The following MX2 variants were observed in gnomAD, a reference collection of about 807,000 sequenced individuals.
MX2 encodes the protein interferon-induced GTP-binding protein Mx2.
In MX2, 51 loss-of-function variants were observed where a neutral mutation model predicts 74.0. The observed-to-expected ratio is 0.69, with a 90% CI of 0.55 to 0.87. The LOEUF is 0.87. Among genes scored for constraint, MX2 ranks in the 40% least tolerant of loss-of-function variants. The probability of loss-of-function intolerance (pLI) is 0.00; values close to 1 mark genes in which losing one functional copy is unlikely to be tolerated. For missense variants in MX2, 832 were observed against 908.7 expected, an observed-to-expected ratio of 0.92 and a Z score of 1.09; for synonymous variants, 369 against 339.3, an observed-to-expected ratio of 1.09 and a Z score of -0.96.
intron 7 of MX2, 88 bp downstream of exon 7, chr21:41,395,873 T>C (rs959683223): frequency 2.3e-6 from 3 of 1,326,992 alleles, no homozygotes; most frequent in African/African-American, 1.4e-5. Context: ...CCAAAGTGTA[T>C]GCACAAATTA....
chr21:41,401,959 T>G lies in MX2; in HGVS notation c.1415-11T>G. 6.2e-7 allele frequency: 1 copy of G among 1,611,134 alleles called. No homozygotes were observed. Among genetic ancestry groups the G allele is most frequent in the Non-Finnish European group, 8.5e-7 (1 of 1,178,570 alleles). On this transcript the variant is annotated splice_polypyrimidine_tract_variant and intron_variant, in intron 10 of 13. Coordinates refer to ENST00000330714, the MANE Select transcript of MX2 (RefSeq NM_002463.2). ...GCAGAATTCACCATGGAGGTCTGTT[T>G]GATGTTGCAGTTAAAAATATTATCC...
chr21:41,396,511 C>T (rs1206343076), intron 7 of MX2, among the ~76,000 whole-genome samples: 1 of 151,950 alleles, frequency 6.6e-6, no homozygotes, highest in Non-Finnish European at 1.5e-5. Context: ...AGTAGGTCTA[C>T]GGCTTGCTGA....
Position 41,390,683 on chromosome 21 carries a change from C to G in MX2, c.851C>G (p.Pro284Arg), listed in dbSNP as rs369056244. 1 of 1,614,078 alleles carries G rather than the reference C, an allele frequency of 6.2e-7. No homozygotes were observed. Among genetic ancestry groups the G allele is most frequent in the Non-Finnish European group, 8.5e-7 (1 of 1,180,008 alleles). ...EALSMAHEVD[P>R]EGDRTIGILT... ...CTGAGCATGGCCCATGAGGTGGACC[C>G]GGAAGGGGACAGGACCATCGGTAAG... The change falls in exon 6 of 14, where the codon CCG becomes CGG. Residue 284 changes from proline (P) to arginine (R), a missense_variant. Pro to Arg is a moderately radical substitution (Grantham distance 103, BLOSUM62 -2). Coordinates refer to ENST00000330714, the MANE Select transcript of MX2 (RefSeq NM_002463.2).
Position 41,366,650 on chromosome 21 carries a change from C to T in MX2, c.-72+4595C>T, listed in dbSNP as rs1422467212. The T allele has an allele frequency of 6.6e-6, 1 of 152,250 alleles. No homozygotes were observed. Among genetic ancestry groups the T allele is most frequent in the Non-Finnish European group, 1.5e-5 (1 of 68,078 alleles). 9.4% of individuals were successfully genotyped at this position (152,250 alleles called of 1,614,324 possible). ...AGAGAAGTCCCTTCCCTGGGAGAGC[C>T]TCAGTGATCCCTGCACAAGACCAGC... On this transcript the variant is annotated intron_variant, in intron 1 of 13. Transcript: ENST00000330714. This position sits in a 1 kb window ranked among gnomAD's most constrained non-coding sequence, Gnocchi z 4.5.
At chr21:41,393,595 G>C (rs993623967) in intron 6 of MX2, among the ~76,000 whole-genome samples, 18 of 151,990 alleles carry the variant, frequency 1.2e-4, no homozygotes, top group African/African-American at 4.4e-4. Flanking sequence ...TTGTCTCCAT[G>C]CCTCTTCAAT....
In MX2 at chr21:41,399,012, T is replaced by C. The variant is rs763038347; in HGVS notation, c.1265T>C (p.Leu422Pro). Reference sequence around the variant, plus strand: ...CAGGAGGCCGACAAGATGTTCTTTCTAATTGAGGTGAGGATTTCCGCAGGA... The same window carrying C: ...CAGGAGGCCGACAAGATGTTCTTTCCAATTGAGGTGAGGATTTCCGCAGGA... The part of the protein sequence containing the change: ...PSQEADKMFF[L>P]IEKIKMFNQD... The change falls in exon 9 of 14, where the codon CTA becomes CCA. Residue 422 changes from leucine (L) to proline (P), a missense_variant. Coordinates refer to ENST00000330714, the MANE Select transcript of MX2 (RefSeq NM_002463.2). The C allele has an allele frequency of 1.2e-6, 2 of 1,613,126 alleles. No individual in the cohort carries two copies. Among genetic ancestry groups the C allele is most frequent in the Non-Finnish European group, 8.5e-7 (1 of 1,179,262 alleles).
At chr21:41,393,035 C>T (rs961735734) in intron 6 of MX2, among the ~76,000 whole-genome samples, 1 of 138,992 alleles carries the variant, frequency 7.2e-6, no homozygotes, top group African/African-American at 2.7e-5. Flanking sequence ...GAACCTGAGA[C>T]GAAGTTTGCA....
At chr21:41,386,694 T>C (rs950286011) in intron 5 of MX2, among the ~76,000 whole-genome samples, 14 of 152,334 alleles carry the variant, frequency 9.2e-5, no homozygotes, top group East Asian at 7.7e-4. Flanking sequence ...GTGGCCTGTC[T>C]GAGCACCAGG....
intron 6 of MX2, 32 bp from the exon 7 acceptor site, chr21:41,395,555 C>T (rs1473157749): frequency 1.2e-6 from 2 of 1,608,736 alleles, no homozygotes; most frequent in Non-Finnish European, 1.7e-6. Flanking sequence ...GATCACTGAC[C>T]TTTCCATTTC....
At position 41,390,722 on chromosome 21, in the gene MX2, G is replaced by A. The variant is rs1245590355; in HGVS notation, c.871+19G>A. ...ACCATCGGTAAGAGGAAAGAACCAA[G>A]TGGCCGGGTGCGGTGGCTCAAGCCT... On this transcript the variant is annotated intron_variant, in intron 6 of 13. Coordinates refer to ENST00000330714, the MANE Select transcript of MX2 (RefSeq NM_002463.2). 4 of 1,612,586 alleles carry A rather than the reference G, an allele frequency of 2.5e-6. No individual in the cohort carries two copies. Among genetic ancestry groups the A allele is most frequent in the Non-Finnish European group, 3.4e-6 (4 of 1,179,088 alleles).
chr21:41,399,477 C>A, intron 10 of MX2, 140 bp downstream of exon 10: 1 of 931,686 alleles, frequency 1.1e-6, no homozygotes, highest in Non-Finnish European at 1.6e-6. Context: ...GCAACTGTCT[C>A]TCAACGAACA....
Position 41,366,051 on chromosome 21 carries a change from G to A in MX2, c.-72+3996G>A, listed in dbSNP as rs1278518147. ...AACCTTTCTCCATTTGGGCTTCCCT[G>A]AGTGGTTCCGTAGTTCATTTATGGT... On this transcript the variant is annotated intron_variant, in intron 1 of 13. Transcript: ENST00000330714. The surrounding 1 kb of genome is among the most constrained non-coding windows in gnomAD (Gnocchi z 4.5). The A allele has an allele frequency of 6.6e-6, 1 of 152,276 alleles. No homozygotes were observed. The highest frequency in any genetic ancestry group is 1.5e-5 in the Non-Finnish European group (1 of 68,052). 9.4% of individuals were successfully genotyped at this position (152,276 alleles called of 1,614,324 possible).
intron 1 of MX2, chr21:41,365,384 C>T (rs2089256947): frequency 6.6e-6 from 1 of 152,228 alleles, no homozygotes; most frequent in Admixed American, 6.5e-5. Context: ...TCCTCCCACC[C>T]TCTACCCTTG....
chr21:41,385,126 T>C lies in MX2; in HGVS notation c.732+2562T>C, dbSNP rs528558549. ...ACTGGAGTAGCACTTCTAATTTCTT[T>C]CAAGAATTTTTCCTTTGTATTCAAC... On this transcript the variant is annotated intron_variant, in intron 5 of 13. Transcript: ENST00000330714. Among the ~76,000 whole-genome samples, 5 of 152,352 alleles carry C rather than the reference T, an allele frequency of 3.3e-5. No homozygotes were observed. In the South Asian group the frequency reaches 8.3e-4, roughly 25 times the overall value.
At chr21:41,382,605 G>C (rs781070741) in intron 5 of MX2, 41 bp downstream of exon 5, 2 of 1,612,544 alleles carry the variant, frequency 1.2e-6, no homozygotes, top group Admixed American at 1.7e-5. Flanking sequence ...CTGCTGAAGT[G>C]GGGGAAGGGT....
intron 5 of MX2, among the ~76,000 whole-genome samples, chr21:41,386,446 T>G (rs983328353): frequency 5.3e-5 from 8 of 152,110 alleles, no homozygotes; most frequent in Non-Finnish European, 7.4e-5. Flanking sequence ...ATTGTGGCTG[T>G]GAGAGGCTGG....
At chr21:41,400,840 G>T (rs2089802578) in intron 10 of MX2, 1 of 152,284 alleles carries the variant, frequency 6.6e-6, no homozygotes, top group African/African-American at 2.4e-5. Flanking sequence ...CCAAGTAGCT[G>T]GGATTACAGT....
chr21:41,380,228 A>G lies in MX2; in HGVS notation c.577+77A>G. On this transcript the variant is annotated intron_variant, in intron 4 of 13. Coordinates refer to ENST00000330714, the MANE Select transcript of MX2 (RefSeq NM_002463.2). The surrounding 1 kb of genome is among the most constrained non-coding windows in gnomAD (Gnocchi z 4.3). ...CCTCGGTTCCTTCTCCTCTTCCTCA[A>G]GTCACCCCCACAGTGACCACTCAGC... The G allele has an allele frequency of 6.3e-7, 1 of 1,589,690 alleles. No homozygotes were observed. The highest frequency in any genetic ancestry group is 8.6e-7 in the Non-Finnish European group (1 of 1,165,650).
At chr21:41,371,006 A>C (rs533633132) in intron 1 of MX2, among the ~76,000 whole-genome samples, 1 of 152,206 alleles carries the variant, frequency 6.6e-6, no homozygotes, top group Non-Finnish European at 1.5e-5. Flanking sequence ...GGGCTAGGAG[A>C]AAATGTGTTT....
Sources: allele counts gnomAD v4.1 joint callset (sites outside exome capture counted in the v4.1 genomes callset), GRCh38; gene constraint gnomAD v4.1.1; non-coding constraint Gnocchi (gnomAD v3.1); transcripts MANE v1.5; gene names NCBI Gene and HGNC (gene_info 2026-07-23, HGNC 2026-07-21).